The following LARGE1 variants were observed in gnomAD, a reference collection of about 807,000 sequenced individuals.
LARGE1 encodes LARGE xylosyl- and glucuronyltransferase 1, also known as xylosyl- and glucuronyltransferase LARGE1.
A neutral mutation model predicts 87.6 loss-of-function variants in LARGE1; 43 were observed. The observed-to-expected ratio is 0.49, with a 90% confidence interval of 0.38 to 0.63. The LOEUF (loss-of-function observed/expected upper bound fraction) is 0.63, where lower values mean the gene tolerates loss of function less well. Ranked by LOEUF, LARGE1 falls within the 30% of genes least tolerant of loss-of-function variation. The pLI is 0.00. For missense variants in LARGE1, 802 were observed against 1,000.2 expected, an observed-to-expected ratio of 0.80 and a Z score of 2.67; for synonymous variants, 434 against 394.6, an observed-to-expected ratio of 1.10 and a Z score of -1.18.
At chr22:33,241,626 A>G (rs1926525285) in intron 11 of LARGE1, among the ~76,000 whole-genome samples, 1 of 151,864 alleles carries the variant, frequency 6.6e-6, no homozygotes, top group African/African-American at 2.4e-5. Context: ...ATGTACATAT[A>G]TGTATATATG....
At chr22:33,657,383 C>T (rs1261357672) in intron 2 of LARGE1, among the ~76,000 whole-genome samples, 3 of 152,190 alleles carry the variant, frequency 2.0e-5, no homozygotes, top group Non-Finnish European at 4.4e-5. Context: ...AACATCTCAT[C>T]CGAAGCCAAG....
At chr22:33,411,298 G>A (rs544175604) in intron 7 of LARGE1, among the ~76,000 whole-genome samples, 1 of 152,352 alleles carries the variant, frequency 6.6e-6, no homozygotes, top group East Asian at 1.9e-4. Flanking sequence ...AAATGTCTCT[G>A]TTTCACTTGG....
intron 2 of LARGE1, among the ~76,000 whole-genome samples, chr22:33,671,822 T>G (rs1264529170): frequency 6.6e-6 from 1 of 152,184 alleles, no homozygotes; most frequent in Non-Finnish European, 1.5e-5. Context: ...AAGGTCTGAT[T>G]GCAAAAATTC....
chr22:33,449,552 C>T (rs1315139818), intron 6 of LARGE1, among the ~76,000 whole-genome samples: 5 of 152,234 alleles, frequency 3.3e-5, no homozygotes, highest in Non-Finnish European at 5.9e-5. Context: ...CAGTTCATTA[C>T]AGCTACAACC....
chr22:33,635,042 C>T (rs1602869770), intron 3 of LARGE1, among the ~76,000 whole-genome samples: 2 of 151,562 alleles, frequency 1.3e-5, no homozygotes, highest in Admixed American at 6.6e-5. Context: ...CACTTGAACC[C>T]GGGAGGTGGG....
At chr22:33,492,334 C>T (rs2069888168) in intron 6 of LARGE1, among the ~76,000 whole-genome samples, 2 of 152,218 alleles carry the variant, frequency 1.3e-5, no homozygotes, top group South Asian at 2.1e-4. Context: ...CTGCTCTGTG[C>T]ACAACATTGC....
At chr22:33,620,896 C>G (rs1405712874) in intron 4 of LARGE1, among the ~76,000 whole-genome samples, 1 of 151,466 alleles carries the variant, frequency 6.6e-6, no homozygotes, top group Non-Finnish European at 1.5e-5. Flanking sequence ...CCACTGCACT[C>G]CAGCCTGGAT....
chr22:33,108,423 T>C, the LARGE1 span: 1 of 152,174 alleles, frequency 6.6e-6, no homozygotes, highest in Non-Finnish European at 1.5e-5. Flanking sequence ...GTGGTTTTTC[T>C]GCAGAAGGAA....
intron 11 of LARGE1, among the ~76,000 whole-genome samples, chr22:33,249,317 G>A (rs1036073127): frequency 3.3e-5 from 5 of 152,144 alleles, no homozygotes; most frequent in African/African-American, 1.2e-4. Context: ...CTTTTTATAT[G>A]TTTATTTACC....
At chr22:33,546,486 T>C (rs1390077662) in intron 6 of LARGE1, among the ~76,000 whole-genome samples, 1 of 152,336 alleles carries the variant, frequency 6.6e-6, no homozygotes, top group East Asian at 1.9e-4. Context: ...ACATGCCCCC[T>C]TTTCTCTCAC....
intron 11 of LARGE1, among the ~76,000 whole-genome samples, chr22:33,176,005 C>A (rs1198092946): frequency 6.6e-6 from 1 of 152,174 alleles, no homozygotes; most frequent in Non-Finnish European, 1.5e-5. Context: ...CACCACACAT[C>A]TACAACCATC....
intron 1 of LARGE1, among the ~76,000 whole-genome samples, chr22:33,766,688 G>T (rs2084911229): frequency 6.6e-6 from 1 of 151,836 alleles, no homozygotes; most frequent in South Asian, 2.1e-4. Flanking sequence ...GCCTCCCAAA[G>T]TGCTGGGATT....
chr22:33,819,486 A>G (rs766681619), intron 1 of LARGE1, among the ~76,000 whole-genome samples: 7 of 152,114 alleles, frequency 4.6e-5, no homozygotes, highest in Non-Finnish European at 8.8e-5. Flanking sequence ...CTATCCATCC[A>G]CAGGCTGTTT....
chr22:33,088,485 C>A, the LARGE1 span, among the ~76,000 whole-genome samples: 1 of 152,096 alleles, frequency 6.6e-6, no homozygotes, highest in East Asian at 1.9e-4. Flanking sequence ...CGTGTCTGTG[C>A]CAGTAGGAAA....
chr22:33,181,823 T>C (rs137375), intron 11 of LARGE1, among the ~76,000 whole-genome samples: 87,733 of 144,264 alleles, frequency 0.61, 26,956 homozygotes, highest in Middle Eastern at 0.68. Flanking sequence ...CCAGTATGCC[T>C]GGCCTTTTTT....
chr22:33,460,036 T>G (rs559709046), intron 6 of LARGE1, among the ~76,000 whole-genome samples: 69 of 152,354 alleles, frequency 4.5e-4, no homozygotes, highest in African/African-American at 1.6e-3. Context: ...AGACAATGGC[T>G]GCCTCTGGAC....
At chr22:33,388,701 AAC>A (rs1285956392) in intron 7 of LARGE1, among the ~76,000 whole-genome samples, 1 of 152,114 alleles carries the variant, frequency 6.6e-6, no homozygotes, top group Non-Finnish European at 1.5e-5. Context: ...AAGTAACTGG[AAC>A]TACAGGCACA....
intron 2 of LARGE1, among the ~76,000 whole-genome samples, chr22:33,715,655 A>C (rs5749650): frequency 0.24 from 37,262 of 152,108 alleles, 4,922 homozygotes; most frequent in East Asian, 0.51. Flanking sequence ...TCTGCCTCTG[A>C]AATAGAGTCC....
chr22:33,483,965 C>T (rs1392250169), intron 6 of LARGE1, among the ~76,000 whole-genome samples: 2 of 152,226 alleles, frequency 1.3e-5, no homozygotes, highest in East Asian at 1.9e-4. Flanking sequence ...CCTTGACGGC[C>T]GGAAGTTTAG....
Sources: allele counts gnomAD v4.1 joint callset (sites outside exome capture counted in the v4.1 genomes callset), GRCh38; gene constraint gnomAD v4.1.1; transcripts MANE v1.5; gene names NCBI Gene and HGNC (gene_info 2026-07-23, HGNC 2026-07-21).